The following SIDT1 variants were observed in gnomAD, a reference collection of about 807,000 sequenced individuals.
The protein encoded by SIDT1 is SID1 transmembrane family member 1, also known as SID1 transmembrane family, member 1.
In SIDT1, 101 loss-of-function variants were observed where a neutral mutation model predicts 107.5. That is an observed-to-expected ratio of 0.94 (90% CI 0.80 to 1.11). SIDT1 has a LOEUF of 1.11. Among genes scored for constraint, SIDT1 ranks in the 50% least tolerant of loss-of-function variants. The pLI is 0.00. For synonymous variants in SIDT1, 395 were observed against 398.2 expected (o/e 0.99, Z 0.10); for missense variants, 1,076 against 1,058.2 (o/e 1.02, Z -0.23).
At chr3:113,631,405 T>A (rs1203543872), downstream of SIDT1, among the ~76,000 whole-genome samples, 1 of 152,192 alleles carries the variant, frequency 6.6e-6, no homozygotes, top group African/African-American at 2.4e-5. Flanking sequence ...ATGTCCCTGG[T>A]GAAACTAAGG....
At chr3:113,600,367 A>G (rs1185314532) in intron 10 of SIDT1, among the ~76,000 whole-genome samples, 1 of 152,128 alleles carries the variant, frequency 6.6e-6, no homozygotes, top group African/African-American at 2.4e-5. Context: ...GACCAATACA[A>G]TGAAACACTA....
chr3:113,534,593 T>C (rs1157058767), intron 1 of SIDT1, among the ~76,000 whole-genome samples: 2 of 152,208 alleles, frequency 1.3e-5, no homozygotes, highest in African/African-American at 4.8e-5. Context: ...CCTCTTTCTA[T>C]CTAGCGTGGG....
At chr3:113,564,586 A>C (rs2107329256) in intron 1 of SIDT1, among the ~76,000 whole-genome samples, 1 of 152,298 alleles carries the variant, frequency 6.6e-6, no homozygotes, top group East Asian at 1.9e-4. Flanking sequence ...GAACAGTATT[A>C]AGGAGATAGA....
Position 113,612,211 on chromosome 3 carries a change from T to C in SIDT1, c.1966+17T>C, listed in dbSNP as rs766434833. 6.6e-6 allele frequency: 10 copies of C among 1,516,934 alleles called. 1 individual carries two copies. The South Asian group carries it at 7.9e-5, about 12-fold the overall frequency. 94.0% of individuals were successfully genotyped at this position (1,516,934 alleles called of 1,614,324 possible). ...TCAAGATAGGTGAGTCACCTGTTAATTCTATACTAATCACACGAATCAACT... is the reference window on the plus strand; with the variant it reads ...TCAAGATAGGTGAGTCACCTGTTAACTCTATACTAATCACACGAATCAACT... On this transcript the variant is annotated intron_variant, in intron 19 of 24. Coordinates refer to ENST00000264852, the MANE Select transcript of SIDT1 (RefSeq NM_017699.3).
At chr3:113,546,370 A>C (rs757596165) in intron 1 of SIDT1, among the ~76,000 whole-genome samples, 2 of 151,458 alleles carry the variant, frequency 1.3e-5, no homozygotes, top group East Asian at 4.0e-4. Flanking sequence ...CTTTAAAACT[A>C]CTTTTTTTTT....
intron 6 of SIDT1, 116 bp from the exon 7 acceptor site, chr3:113,583,289 GGGCA>G: frequency 1.7e-6 from 1 of 587,742 alleles, no homozygotes; most frequent in South Asian, 3.2e-5. Flanking sequence ...AGGAGTTAGA[GGGCA>G]GGGGTGAACT....
At chr3:113,631,766 G>A (rs1228481272), downstream of SIDT1, among the ~76,000 whole-genome samples, 6 of 152,256 alleles carry the variant, frequency 3.9e-5, no homozygotes, top group Middle Eastern at 0.014. Flanking sequence ...ACTCCAAGGC[G>A]GGGCCTGTTT....
chr3:113,534,326 G>A (rs1937853068), intron 1 of SIDT1, among the ~76,000 whole-genome samples: 1 of 152,124 alleles, frequency 6.6e-6, no homozygotes, highest in African/African-American at 2.4e-5. Context: ...TGAGCAGGGG[G>A]GACCAATGTG....
Position 113,533,139 on chromosome 3 carries a change from T to G in SIDT1, c.118T>G (p.Phe40Val), listed in dbSNP as rs765216480. 1.5e-5 allele frequency: 23 copies of G among 1,574,284 alleles called. No homozygotes were observed. The highest frequency in any genetic ancestry group is 1.9e-5 in the Non-Finnish European group (22 of 1,162,280). ...RQPPAPRRDP[F>V]DAARGADFDH... ...GCCCCCGGCACCGCGCCGCGACCCCTTCGACGCTGCCAGGGGCGCCGATTT... is the reference window on the plus strand; with the variant it reads ...GCCCCCGGCACCGCGCCGCGACCCCGTCGACGCTGCCAGGGGCGCCGATTT... The change falls in exon 1 of 25, where the codon TTC becomes GTC. Residue 40 changes from phenylalanine (F) to valine (V), a missense_variant. Physicochemically the swap from Phe to Val is conservative, Grantham distance 50 (BLOSUM62 -1). Transcript: ENST00000264852.
Position 113,532,975 on chromosome 3 carries a change from C to G in SIDT1, c.-47C>G. On this transcript the variant is annotated 5_prime_UTR_variant, in exon 1 of 25. Transcript: ENST00000264852. The stretch of plus-strand genomic sequence containing the variant: ...TGGAAGGACCCTCTCTGCGCTCGCC[C>G]CCTCCCCAGGGTGGCTCCGCTTTCG... The G allele has an allele frequency of 1.6e-6, 2 of 1,255,186 alleles. No homozygotes were observed. The highest frequency in any genetic ancestry group is 1.0e-6 in the Non-Finnish European group (1 of 979,904). The allele number at this position is 1,255,186 out of a possible 1,614,324, so 77.8% of individuals were successfully genotyped here.
At chr3:113,623,393 T>C in intron 21 of SIDT1, 34 bp from the exon 22 acceptor site, 2 of 1,437,752 alleles carry the variant, frequency 1.4e-6, no homozygotes, top group Non-Finnish European at 2.0e-6. Flanking sequence ...CAAATCCACC[T>C]TCACGGCTGC....
chr3:113,606,673 A>C (rs1945354851), intron 14 of SIDT1: 1 of 166,462 alleles, frequency 6.0e-6, no homozygotes, highest in Non-Finnish European at 1.3e-5. Flanking sequence ...GGACAGCTCT[A>C]TATCCCCTCT....
intron 21 of SIDT1, among the ~76,000 whole-genome samples, chr3:113,621,699 G>C (rs910225595): frequency 6.6e-6 from 1 of 152,146 alleles, no homozygotes; most frequent in African/African-American, 2.4e-5. Flanking sequence ...TTTAGAGTTA[G>C]AATAGTAATT....
At chr3:113,587,692 T>A (rs1402402422) in intron 9 of SIDT1, among the ~76,000 whole-genome samples, 2 of 152,198 alleles carry the variant, frequency 1.3e-5, no homozygotes, top group Non-Finnish European at 1.5e-5. Flanking sequence ...ACTGTTATTA[T>A]CACCAAGTGA....
intron 1 of SIDT1, among the ~76,000 whole-genome samples, chr3:113,557,048 T>A (rs902645100): frequency 1.3e-5 from 2 of 151,970 alleles, no homozygotes; most frequent in Non-Finnish European, 2.9e-5. Context: ...CGACCTCAGG[T>A]GATCCACCCA....
chr3:113,553,380 A>G (rs1940489540), intron 1 of SIDT1, among the ~76,000 whole-genome samples: 1 of 152,180 alleles, frequency 6.6e-6, no homozygotes, highest in Non-Finnish European at 1.5e-5. Context: ...GTGTCAGATC[A>G]CAACACTTAC....
intron 1 of SIDT1, among the ~76,000 whole-genome samples, chr3:113,536,546 C>T (rs1710556606): frequency 6.6e-6 from 1 of 152,194 alleles, no homozygotes; most frequent in Non-Finnish European, 1.5e-5. Flanking sequence ...AAAGTCTATT[C>T]TAAGTTTAGG....
intron 1 of SIDT1, among the ~76,000 whole-genome samples, chr3:113,541,886 A>C (rs188269513): frequency 7.0e-6 from 1 of 142,722 alleles, no homozygotes; most frequent in East Asian, 2.0e-4. Flanking sequence ...CAGTAGTTTT[A>C]CCAGACTTTA....
intron 1 of SIDT1, among the ~76,000 whole-genome samples, chr3:113,534,470 A>G (rs1449603857): frequency 2.0e-5 from 3 of 152,210 alleles, no homozygotes; most frequent in Non-Finnish European, 4.4e-5. Context: ...TCTGTCCTCC[A>G]GTAACCTTCA....
Sources: gnomAD v4.1 joint callset for allele counts (sites outside exome capture counted in the v4.1 genomes callset) on GRCh38, gnomAD v4.1.1 for gene constraint, MANE v1.5 for transcripts, NCBI Gene and HGNC (gene_info 2026-07-23, HGNC 2026-07-21) for gene names.